Variants in SYTL2 observed in about 807,000 individuals in gnomAD.
SYTL2 encodes synaptotagmin-like protein 2.
SYTL2 carries 165 observed loss-of-function variants against 198.7 expected under a neutral mutation model. The observed-to-expected ratio is 0.83, with a 90% confidence interval of 0.73 to 0.94. The LOEUF (loss-of-function observed/expected upper bound fraction) is 0.94, where lower values mean the gene tolerates loss of function less well. Among genes scored for constraint, SYTL2 ranks in the 40% least tolerant of loss-of-function variants. The pLI is 0.00. For synonymous variants in SYTL2, 966 were observed against 917.7 expected, an observed-to-expected ratio of 1.05 and a Z score of -0.95; for missense variants, 2,835 against 2,582.8, an observed-to-expected ratio of 1.10 and a Z score of -2.12.
chr11:85,807,850 A>C (rs563376476), intron 1 of SYTL2, among the ~76,000 whole-genome samples: 1 of 152,184 alleles, frequency 6.6e-6, no homozygotes, highest in African/African-American at 2.4e-5. Flanking sequence ...AACAAGATTA[A>C]CCTTCATGAT....
chr11:85,736,021 C>T (rs2090311697), intron 6 of SYTL2, among the ~76,000 whole-genome samples: 1 of 152,138 alleles, frequency 6.6e-6, no homozygotes, highest in Admixed American at 6.5e-5. Context: ...TGATAAAATT[C>T]CATAGCAGGC....
chr11:85,833,100 A>G, the SYTL2 span, among the ~76,000 whole-genome samples: 1 of 43,830 alleles, frequency 2.3e-5, no homozygotes, highest in African/African-American at 8.0e-5. Context: ...AGAAAGAAAG[A>G]AGGAAGGAAG....
At chr11:85,853,332 CT>C in the SYTL2 span, 1 of 446,066 alleles carries the variant, frequency 2.2e-6, no homozygotes, top group South Asian at 1.6e-5. Context: ...ATTCTTCTGC[CT>C]TGGGATGCTG....
At chr11:85,713,636 A>T (rs2086686713) in intron 12 of SYTL2, among the ~76,000 whole-genome samples, 1 of 152,194 alleles carries the variant, frequency 6.6e-6, no homozygotes, top group African/African-American at 2.4e-5. Context: ...GGGGAAAGTT[A>T]TTTAACCTCT....
chr11:85,841,029 T>C, the SYTL2 span, among the ~76,000 whole-genome samples: 1 of 152,078 alleles, frequency 6.6e-6, no homozygotes, highest in African/African-American at 2.4e-5. Context: ...GCAAATGATA[T>C]GAACAGACAC....
chr11:85,774,978 C>G (rs1328396188), intron 1 of SYTL2, among the ~76,000 whole-genome samples: 4 of 150,818 alleles, frequency 2.7e-5, no homozygotes, highest in Admixed American at 2.6e-4. Context: ...TCTGATCTCT[C>G]AGGTGCCTTC....
the SYTL2 span, among the ~76,000 whole-genome samples, chr11:85,823,742 G>A: frequency 7.9e-5 from 12 of 152,186 alleles, no homozygotes; most frequent in Non-Finnish European, 1.3e-4. Flanking sequence ...TTATACTTGA[G>A]TGGAATACCA....
intron 1 of SYTL2, among the ~76,000 whole-genome samples, chr11:85,772,760 C>T (rs780150507): frequency 1.3e-5 from 2 of 152,144 alleles, no homozygotes; most frequent in Non-Finnish European, 2.9e-5. Context: ...GGATAAAAAC[C>T]CTAATGAGCA....
intron 9 of SYTL2, among the ~76,000 whole-genome samples, chr11:85,720,477 T>C (rs1290836058): frequency 6.6e-6 from 1 of 152,200 alleles, no homozygotes; most frequent in African/African-American, 2.4e-5. Context: ...GCTGGTTAAA[T>C]GAGATAATAC....
At chr11:85,768,034 ACACT>A (rs976312998) in intron 1 of SYTL2, among the ~76,000 whole-genome samples, 3 of 152,178 alleles carry the variant, frequency 2.0e-5, no homozygotes, top group African/African-American at 4.8e-5. Flanking sequence ...ACATAGTTAG[ACACT>A]CACTATCAGG....
chr11:85,725,224 A>C lies in SYTL2; in HGVS notation c.4134T>G (p.Cys1378Trp), dbSNP rs776238231. ...NDVSAALQKL[C>W]GEVWLSYPAG... ...CTGGATAACTTAACCATACTTCTCC[A>C]CACAGCTTCTGTAATGCAGCACTTA... Residue 1378 changes from cysteine (C) to tryptophan (W), a missense_variant, in exon 8 of 20, where the codon TGT becomes TGG. Around this residue, in one of 3 missense-constraint regions of SYTL2, gnomAD observed 2,645 missense variants for 2,381.7 expected, o/e 1.11. Transcript: ENST00000359152. The C allele has an allele frequency of 6.2e-6, 10 of 1,614,012 alleles. No individual in the cohort carries two copies. Among genetic ancestry groups the C allele is most frequent in the Non-Finnish European group, 8.5e-6 (10 of 1,180,004 alleles).
chr11:85,749,219 C>T (rs2091361553), intron 2 of SYTL2, among the ~76,000 whole-genome samples: 1 of 152,158 alleles, frequency 6.6e-6, no homozygotes, highest in Non-Finnish European at 1.5e-5. Context: ...AAGTCTTAAC[C>T]TCTCCATCTC....
chr11:85,779,209 A>T (rs778243570), intron 1 of SYTL2, among the ~76,000 whole-genome samples: 5 of 152,176 alleles, frequency 3.3e-5, no homozygotes, highest in Non-Finnish European at 7.3e-5. Flanking sequence ...CAGGATCCTC[A>T]TCCCCAGGTA....
At chr11:85,801,112 T>C (rs571929229) in intron 1 of SYTL2, among the ~76,000 whole-genome samples, 10 of 152,220 alleles carry the variant, frequency 6.6e-5, no homozygotes, top group Non-Finnish European at 1.3e-4. Context: ...ATGATAGTTT[T>C]GTAGTCTGAG....
the SYTL2 span, among the ~76,000 whole-genome samples, chr11:85,839,188 G>C: frequency 1.3e-5 from 2 of 152,092 alleles, no homozygotes; most frequent in African/African-American, 2.4e-5. Flanking sequence ...ACAGCTATAG[G>C]AACTTGCATT....
chr11:85,714,717 A>G, intron 11 of SYTL2: 1 of 1,218,214 alleles, frequency 8.2e-7, no homozygotes, highest in Non-Finnish European at 1.0e-6. Context: ...AAGGAGTTGA[A>G]CCAAATACAA....
the SYTL2 span, among the ~76,000 whole-genome samples, chr11:85,834,179 T>G: frequency 6.6e-6 from 1 of 152,124 alleles, no homozygotes; most frequent in Non-Finnish European, 1.5e-5. Flanking sequence ...GCAGATATTA[T>G]CACATTCAGA....
chr11:85,740,346 G>A (rs533738610), intron 4 of SYTL2, among the ~76,000 whole-genome samples: 13 of 152,066 alleles, frequency 8.5e-5, no homozygotes, highest in Admixed American at 3.3e-4. Context: ...TACCCAAATC[G>A]TCCCTATCCT....
At chr11:85,741,275 A>G (rs1193098176) in intron 4 of SYTL2, among the ~76,000 whole-genome samples, 1 of 152,216 alleles carries the variant, frequency 6.6e-6, no homozygotes, top group Admixed American at 6.5e-5. Context: ...ACAAATGAAG[A>G]AACGGCTCAG....
Sources: allele counts gnomAD v4.1 joint callset (sites outside exome capture counted in the v4.1 genomes callset), GRCh38; gene constraint gnomAD v4.1.1; regional missense constraint gnomAD v4.1.1; transcripts MANE v1.5; gene names NCBI Gene and HGNC (gene_info 2026-07-23, HGNC 2026-07-21).